Variants in PKHD1 observed in about 807,000 individuals in gnomAD.
PKHD1 encodes fibrocystin.
A neutral mutation model predicts 412.0 loss-of-function variants in PKHD1; 291 were observed. The ratio of observed to expected loss-of-function variants is 0.71; its 90% CI spans 0.64 to 0.78. The LOEUF is 0.78. Ranked by LOEUF, PKHD1 falls within the 30% of genes least tolerant of loss-of-function variation. The probability of loss-of-function intolerance (pLI) is 0.00; values close to 1 mark genes in which losing one functional copy is unlikely to be tolerated. For synonymous variants in PKHD1, 1,777 were observed against 1,821.5 expected, an observed-to-expected ratio of 0.98 and a Z score of 0.62; for missense variants, 4,825 against 4,950.7, an observed-to-expected ratio of 0.97 and a Z score of 0.76.
At chr6:51,803,131 C>T (rs1226101025) in intron 52 of PKHD1, among the ~76,000 whole-genome samples, 1 of 151,072 alleles carries the variant, frequency 6.6e-6, no homozygotes, top group Non-Finnish European at 1.5e-5. Flanking sequence ...ATGTTGTGCT[C>T]CTAAATTAAT....
At chr6:51,620,155 C>T (rs1356661783) in intron 66 of PKHD1, among the ~76,000 whole-genome samples, 1 of 152,140 alleles carries the variant, frequency 6.6e-6, no homozygotes, top group African/African-American at 2.4e-5. Flanking sequence ...CCTCTCTGGG[C>T]TTTAGTTGCA....
chr6:51,812,289 T>C (rs934724408), intron 52 of PKHD1, among the ~76,000 whole-genome samples: 1 of 152,156 alleles, frequency 6.6e-6, no homozygotes, highest in Non-Finnish European at 1.5e-5. Flanking sequence ...CTTTTATGCA[T>C]GCTAAAGTTT....
intron 60 of PKHD1, among the ~76,000 whole-genome samples, chr6:51,724,993 G>A (rs1381316587): frequency 6.6e-6 from 1 of 152,172 alleles, no homozygotes; most frequent in Non-Finnish European, 1.5e-5. Flanking sequence ...GGGTCAAAGA[G>A]AGGAACTACT....
chr6:51,976,163 G>C (rs1794413542), intron 35 of PKHD1, among the ~76,000 whole-genome samples: 1 of 152,038 alleles, frequency 6.6e-6, no homozygotes, highest in Non-Finnish European at 1.5e-5. Context: ...AGAATTGAAA[G>C]CAGGGTCTCA....
chr6:51,996,588 T>C (rs2128087499), intron 35 of PKHD1, among the ~76,000 whole-genome samples: 1 of 152,334 alleles, frequency 6.6e-6, no homozygotes, highest in African/African-American at 2.4e-5. Context: ...TATGTAGTCA[T>C]TATGCTTTCT....
intron 60 of PKHD1, among the ~76,000 whole-genome samples, chr6:51,706,565 T>A (rs1288092450): frequency 6.6e-6 from 1 of 150,968 alleles, no homozygotes; most frequent in African/African-American, 2.4e-5. Context: ...GAGGAACAAG[T>A]GGAAGAGGGG....
intron 28 of PKHD1, among the ~76,000 whole-genome samples, chr6:52,035,094 C>T (rs530471161): frequency 6.6e-6 from 1 of 152,248 alleles, no homozygotes; most frequent in South Asian, 2.1e-4. Flanking sequence ...AGGTCAGGGA[C>T]TTGTTTTTAA....
Position 51,619,066 on chromosome 6 carries a change from C to T in PKHD1, c.*15G>A, listed in dbSNP as rs1561967038. 6.2e-7 allele frequency: 1 copy of T among 1,612,220 alleles called. No individual in the cohort carries two copies. Among genetic ancestry groups the T allele is most frequent in the Non-Finnish European group, 8.5e-7 (1 of 1,178,398 alleles). On this transcript the variant is annotated 3_prime_UTR_variant, in exon 67 of 67. Transcript: ENST00000371117. ...ACATTCTGCCTTTCAGGCCAAATGC[C>T]CCCAACTTCCCTGATCACAGTTGCT...
intron 49 of PKHD1, among the ~76,000 whole-genome samples, chr6:51,853,579 C>T (rs1360150252): frequency 6.6e-6 from 1 of 152,188 alleles, no homozygotes; most frequent in Admixed American, 6.5e-5. Flanking sequence ...TAGGTTCAGT[C>T]TTTTTATGAA....
intron 56 of PKHD1, 76 bp downstream of exon 56, chr6:51,754,708 G>T: frequency 7.9e-7 from 1 of 1,266,904 alleles, no homozygotes; most frequent in East Asian, 2.3e-5. Context: ...AATCAGATCC[G>T]AGGTCCCCAG....
At chr6:51,626,855 T>C in intron 66 of PKHD1, 142 bp downstream of exon 66, 1 of 820,532 alleles carries the variant, frequency 1.2e-6, no homozygotes, top group Non-Finnish European at 2.1e-6. Flanking sequence ...TGCTGGGGTA[T>C]AATTTCTTTG....
chr6:51,827,951 A>G (rs1472401982), intron 52 of PKHD1, among the ~76,000 whole-genome samples: 2 of 152,108 alleles, frequency 1.3e-5, no homozygotes, highest in Non-Finnish European at 2.9e-5. Flanking sequence ...GGTTCATTGC[A>G]TTGCATACCT....
chr6:51,993,646 T>A (rs1797318636), intron 35 of PKHD1, among the ~76,000 whole-genome samples: 1 of 152,222 alleles, frequency 6.6e-6, no homozygotes, highest in Admixed American at 6.5e-5. Context: ...AATGAAGTCA[T>A]ATGACAAATC....
intron 39 of PKHD1, among the ~76,000 whole-genome samples, chr6:51,910,748 G>A (rs1043250073): frequency 6.6e-6 from 1 of 151,744 alleles, no homozygotes; most frequent in Non-Finnish European, 1.5e-5. Flanking sequence ...TGATAAAGTT[G>A]GGCAGTTGAT....
At chr6:51,892,611 C>A (rs1391053373) in intron 43 of PKHD1, among the ~76,000 whole-genome samples, 1 of 152,104 alleles carries the variant, frequency 6.6e-6, no homozygotes, top group African/African-American at 2.4e-5. Flanking sequence ...AGCAAAATAA[C>A]CCACACTCAT....
In PKHD1 at chr6:51,847,871, G is replaced by A. The variant is rs137852947; in HGVS notation, c.8011C>T (p.Arg2671Ter). ...YPDILLRCGSRVGLSFPFLPS... is the reference protein window; with the variant it reads ...YPDILLRCGS ...AGAAATGGAAAAGACAGACCCACTC[G>A]ACTCCCACATCTTAGGAGGATGTCA... The change falls in exon 50 of 67, where the codon CGA becomes TGA. Residue 2671 changes from arginine (R) to a stop codon, truncating the protein, a stop_gained. Coordinates refer to ENST00000371117, the MANE Select transcript of PKHD1 (RefSeq NM_138694.4). LOFTEE classifies it high-confidence loss of function. 18 of 1,613,488 alleles carry A rather than the reference G, an allele frequency of 1.1e-5. No homozygotes were observed. The highest frequency in any genetic ancestry group is 9.9e-5 in the South Asian group (9 of 91,060).
At chr6:51,930,861 A>G (rs1786460882) in intron 37 of PKHD1, among the ~76,000 whole-genome samples, 1 of 152,208 alleles carries the variant, frequency 6.6e-6, no homozygotes, top group Non-Finnish European at 1.5e-5. Context: ...ATTAAAATCT[A>G]AAGGTGTTGA....
chr6:51,701,359 T>C (rs2150703282), intron 60 of PKHD1, among the ~76,000 whole-genome samples: 1 of 152,248 alleles, frequency 6.6e-6, no homozygotes, highest in East Asian at 1.9e-4. Flanking sequence ...TTATTGCCAG[T>C]CAATCATTCA....
chr6:52,084,618 A>G (rs911987269), intron 2 of PKHD1, among the ~76,000 whole-genome samples: 27 of 152,258 alleles, frequency 1.8e-4, no homozygotes, highest in African/African-American at 5.8e-4. Context: ...AAATTGAAGT[A>G]TATAGTCATA....
Sources: allele counts gnomAD v4.1 joint callset (sites outside exome capture counted in the v4.1 genomes callset), GRCh38; gene constraint gnomAD v4.1.1; transcripts MANE v1.5; gene names NCBI Gene and HGNC (gene_info 2026-07-23, HGNC 2026-07-21).